BTBD9: variants seen among roughly 807,000 people sequenced by gnomAD.
BTBD9 encodes BTB/POZ domain-containing protein 9.
Under a neutral mutation model 64.3 loss-of-function variants are expected in BTBD9, and 49 were observed. The observed-to-expected ratio is 0.76, with a 90% CI of 0.61 to 0.97. The LOEUF is 0.97. Ranked by LOEUF, BTBD9 falls within the 50% of genes least tolerant of loss-of-function variation. The pLI is 0.00. For missense variants in BTBD9, 598 were observed against 762.1 expected (o/e 0.78, Z 2.53); for synonymous variants, 260 against 274.7 (o/e 0.95, Z 0.53).
intron 7 of BTBD9, among the ~76,000 whole-genome samples, chr6:38,299,666 T>C (rs2127562604): frequency 6.6e-6 from 1 of 152,354 alleles, no homozygotes; most frequent in South Asian, 2.1e-4. Flanking sequence ...TTTTGAGAAG[T>C]GTCTGTTCAT....
At chr6:38,217,696 T>TC (rs1386316662) in intron 9 of BTBD9, among the ~76,000 whole-genome samples, 2 of 148,240 alleles carry the variant, frequency 1.3e-5, no homozygotes, top group African/African-American at 5.0e-5. Context: ...TTTTTTCTTT[T>TC]TTCTTTTTTT....
At chr6:38,346,528 T>C (rs751905716) in intron 6 of BTBD9, among the ~76,000 whole-genome samples, 9 of 151,902 alleles carry the variant, frequency 5.9e-5, no homozygotes, top group Non-Finnish European at 1.3e-4. Context: ...AACTGCTACA[T>C]GTACCAGAGC....
At chr6:38,208,991 GAC>G (rs1762745575) in intron 9 of BTBD9, among the ~76,000 whole-genome samples, 1 of 152,206 alleles carries the variant, frequency 6.6e-6, no homozygotes, top group Non-Finnish European at 1.5e-5. Context: ...GAGCCTCACA[GAC>G]ATACCTTGCT....
intron 6 of BTBD9, among the ~76,000 whole-genome samples, chr6:38,462,312 C>T (rs1175654945): frequency 1.3e-5 from 2 of 152,052 alleles, no homozygotes; most frequent in Admixed American, 6.5e-5. Flanking sequence ...ACATTTAGAT[C>T]GATAATCCAG....
chr6:38,286,919 TAAAAATAC>T (rs1761749543), intron 8 of BTBD9, among the ~76,000 whole-genome samples: 1 of 151,184 alleles, frequency 6.6e-6, no homozygotes, highest in South Asian at 2.1e-4. Context: ...CCATCTCTAC[TAAAAATAC>T]AAAAATTAGC....
chr6:38,530,033 C>T (rs753439847), intron 6 of BTBD9, among the ~76,000 whole-genome samples: 1 of 152,072 alleles, frequency 6.6e-6, no homozygotes, highest in African/African-American at 2.4e-5. Context: ...TATTAATACC[C>T]AGGGAAAGGA....
At chr6:38,499,155 AC>A (rs1337186177) in intron 6 of BTBD9, among the ~76,000 whole-genome samples, 1 of 151,802 alleles carries the variant, frequency 6.6e-6, no homozygotes, top group Non-Finnish European at 1.5e-5. Flanking sequence ...AAAAAAAAAA[AC>A]AGAGAAAAAA....
rs184223113 is a variant in BTBD9 at position 38,547,675 on chromosome 6, C to T, written c.1154+29925G>A. 1.2e-3 allele frequency among the ~76,000 whole-genome samples: 190 copies of T among 152,238 alleles called. 1 individual carries two copies. The highest frequency in any genetic ancestry group is 2.3e-3 in the Admixed American group (35 of 15,276). ...TTCATGCTGTTCCTTCATCCTGCAC[C>T]ACCTCTCCTTCTCCTCCACCTGGTT... On this transcript the variant is annotated intron_variant, in intron 6 of 10. Transcript: ENST00000481247.
At chr6:38,456,781 G>A (rs1769831951) in intron 6 of BTBD9, among the ~76,000 whole-genome samples, 1 of 152,078 alleles carries the variant, frequency 6.6e-6, no homozygotes, top group Non-Finnish European at 1.5e-5. Context: ...TATCTGGTTT[G>A]CAAATACTTC....
At chr6:38,193,892 T>C in intron 9 of BTBD9, 2 of 985,052 alleles carry the variant, frequency 2.0e-6, no homozygotes, top group Non-Finnish European at 2.4e-6. Context: ...CACTGCTGCC[T>C]GGACACCAGT....
intron 8 of BTBD9, among the ~76,000 whole-genome samples, chr6:38,263,873 C>T (rs990898972): frequency 6.6e-6 from 1 of 152,064 alleles, no homozygotes; most frequent in Non-Finnish European, 1.5e-5. Context: ...ACTAAAAGGG[C>T]CAAAGATAAG....
At chr6:38,437,320 TAGTG>T (rs947100388) in intron 6 of BTBD9, among the ~76,000 whole-genome samples, 1 of 152,124 alleles carries the variant, frequency 6.6e-6, no homozygotes, top group Non-Finnish European at 1.5e-5. Flanking sequence ...GGGGTGGTCC[TAGTG>T]AGTATCTTAC....
intron 6 of BTBD9, among the ~76,000 whole-genome samples, chr6:38,542,034 G>T (rs974801569): frequency 3.3e-5 from 5 of 152,168 alleles, no homozygotes; most frequent in African/African-American, 1.2e-4. Flanking sequence ...ATCAGAGATG[G>T]TTATCAAGAG....
At chr6:38,542,281 G>A (rs1478526812) in intron 6 of BTBD9, among the ~76,000 whole-genome samples, 2 of 152,086 alleles carry the variant, frequency 1.3e-5, no homozygotes, top group African/African-American at 4.8e-5. Context: ...CTAAATGTTT[G>A]GTCTTCCCGC....
chr6:38,342,894 A>G (rs1764159326), intron 7 of BTBD9, among the ~76,000 whole-genome samples: 1 of 152,220 alleles, frequency 6.6e-6, no homozygotes, highest in Non-Finnish European at 1.5e-5. Flanking sequence ...CGTCAGACAG[A>G]GGATAACGAA....
intron 8 of BTBD9, among the ~76,000 whole-genome samples, chr6:38,278,568 G>C (rs771516502): frequency 1.3e-5 from 2 of 152,180 alleles, no homozygotes; most frequent in African/African-American, 4.8e-5. Flanking sequence ...TTTGGAGCTG[G>C]AGTTTTACCA....
chr6:38,465,912 C>A (rs1770365683), intron 6 of BTBD9, among the ~76,000 whole-genome samples: 1 of 140,830 alleles, frequency 7.1e-6, no homozygotes, highest in South Asian at 2.2e-4. Flanking sequence ...CTCATTGCAG[C>A]TTCAACCTCC....
At chr6:38,180,498 C>T (rs942329770) in intron 10 of BTBD9, among the ~76,000 whole-genome samples, 2 of 152,162 alleles carry the variant, frequency 1.3e-5, no homozygotes, top group Non-Finnish European at 2.9e-5. Flanking sequence ...GCTCCTCAGC[C>T]CACTTCTTTC....
chr6:38,361,899 T>G (rs1380031210), intron 6 of BTBD9, among the ~76,000 whole-genome samples: 1 of 151,378 alleles, frequency 6.6e-6, no homozygotes, highest in Non-Finnish European at 1.5e-5. Flanking sequence ...ACTCCACAAG[T>G]ATTTCAAAAG....
Sources: gnomAD v4.1 joint callset for allele counts (sites outside exome capture counted in the v4.1 genomes callset) on GRCh38, gnomAD v4.1.1 for gene constraint, MANE v1.5 for transcripts, NCBI Gene and HGNC (gene_info 2026-07-23, HGNC 2026-07-21) for gene names.